The following BCAS3 variants were observed in gnomAD, a reference collection of about 807,000 sequenced individuals.
The protein encoded by BCAS3 is BCAS3 microtubule associated cell migration factor.
Under a neutral mutation model 116.1 loss-of-function variants are expected in BCAS3, and 53 were observed. That is an observed-to-expected ratio of 0.46 (90% CI 0.37 to 0.57). The LOEUF (loss-of-function observed/expected upper bound fraction) is 0.57. Ranked by LOEUF, BCAS3 falls within the 20% of genes least tolerant of loss-of-function variation. The probability of loss-of-function intolerance (pLI) is 0.00; values close to 1 mark genes in which losing one functional copy is unlikely to be tolerated. For synonymous variants in BCAS3, 391 were observed against 408.2 expected, an observed-to-expected ratio of 0.96 and a Z score of 0.51; for missense variants, 917 against 1,165.4, an observed-to-expected ratio of 0.79 and a Z score of 3.10.
chr17:60,772,845 C>T (rs1256721264), intron 6 of BCAS3, among the ~76,000 whole-genome samples: 1 of 152,072 alleles, frequency 6.6e-6, no homozygotes, highest in African/African-American at 2.4e-5. Flanking sequence ...TGCACTCCAG[C>T]CTGGGCAACA....
chr17:61,034,374 G>A lies in BCAS3; in HGVS notation c.1638-292G>A, dbSNP rs2066864706. Among the ~76,000 whole-genome samples, 1 of 152,132 alleles carries A rather than the reference G, an allele frequency of 6.6e-6. No individual in the cohort carries two copies. The highest frequency in any genetic ancestry group is 1.5e-5 in the Non-Finnish European group (1 of 68,010). The stretch of plus-strand genomic sequence containing the variant: ...TTCACTTTGAAATTTCTAGGGAAAT[G>A]TTACTCATCTGAAAAGAGGTGACTT... On this transcript the variant is annotated intron_variant, in intron 16 of 23. Coordinates refer to ENST00000407086, the MANE Select transcript of BCAS3 (RefSeq NM_017679.5). The surrounding 1 kb of genome is among the most constrained non-coding windows in gnomAD (Gnocchi z 5.0).
intron 22 of BCAS3, among the ~76,000 whole-genome samples, chr17:61,246,783 TTGAG>T (rs576532445): frequency 7.5e-6 from 1 of 132,904 alleles, no homozygotes; most frequent in African/African-American, 2.9e-5. Flanking sequence ...AGTTTTGCCT[TTGAG>T]TGAGAGTGTG....
chr17:61,132,776 C>T lies in BCAS3; in HGVS notation c.2425+48212C>T, dbSNP rs1264409662. On this transcript the variant is annotated intron_variant, in intron 22 of 23. Coordinates refer to ENST00000407086, the MANE Select transcript of BCAS3 (RefSeq NM_017679.5). The surrounding 1 kb of genome is among the most constrained non-coding windows in gnomAD (Gnocchi z 5.1). ...AGAAGTGGAAGATAGAGTCCACTCC[C>T]CTATCCCCGTCAATGAGAAGAAGCT... is the stretch of plus-strand genomic sequence containing the variant. 6.6e-6 allele frequency among the ~76,000 whole-genome samples: 1 copy of T among 152,118 alleles called. No homozygotes were observed. The highest frequency in any genetic ancestry group is 2.4e-5 in the African/African-American group (1 of 41,426).
intron 22 of BCAS3, among the ~76,000 whole-genome samples, chr17:61,283,314 C>G (rs553115171): frequency 1.1e-4 from 17 of 152,282 alleles, no homozygotes; most frequent in African/African-American, 3.4e-4. Flanking sequence ...CCACTCTATG[C>G]TAAGTACTTT....
chr17:61,204,027 C>T lies in BCAS3; in HGVS notation c.2425+119463C>T, dbSNP rs1434068040. 6.6e-6 allele frequency among the ~76,000 whole-genome samples: 1 copy of T among 152,188 alleles called. No homozygotes were observed. Among genetic ancestry groups the T allele is most frequent in the Admixed American group, 6.5e-5 (1 of 15,274 alleles). ...GTCCTCGGGTTGTTCAGCCTGGTGA[C>T]CCTAGCCGCCTGTGATTTACTAACT... On this transcript the variant is annotated intron_variant, in intron 22 of 23. Coordinates refer to ENST00000407086, the MANE Select transcript of BCAS3 (RefSeq NM_017679.5). The surrounding 1 kb of genome is among the most constrained non-coding windows in gnomAD (Gnocchi z 4.2).
At chr17:61,044,174 G>A (rs944961664) in intron 19 of BCAS3, among the ~76,000 whole-genome samples, 4 of 151,786 alleles carry the variant, frequency 2.6e-5, no homozygotes, top group South Asian at 2.1e-4. Context: ...AGGTGGGGGC[G>A]CGGTGGCTCA....
At chr17:61,194,079 T>C (rs1194449801) in intron 22 of BCAS3, among the ~76,000 whole-genome samples, 1 of 151,992 alleles carries the variant, frequency 6.6e-6, no homozygotes, top group Non-Finnish European at 1.5e-5. Flanking sequence ...ATCGTGCCAC[T>C]GCACTCCAGC....
intron 11 of BCAS3, among the ~76,000 whole-genome samples, chr17:60,903,111 G>A (rs544807826): frequency 1.3e-4 from 20 of 152,222 alleles, no homozygotes; most frequent in African/African-American, 3.9e-4. Context: ...ATGTGTGTGA[G>A]GGTTAATTTT....
At position 61,301,268 on chromosome 17, in the gene BCAS3, G is replaced by C. The variant is rs192973669; in HGVS notation, c.2426-67059G>C. Reference sequence around the variant, plus strand: ...ATGGCCCTCAGAGTCTAAAATATTTGCCATCTGGCCCCTTTCAGAAAACGT... The same window carrying C: ...ATGGCCCTCAGAGTCTAAAATATTTCCCATCTGGCCCCTTTCAGAAAACGT... On this transcript the variant is annotated intron_variant, in intron 22 of 23. Transcript: ENST00000407086. 6.7e-4 allele frequency among the ~76,000 whole-genome samples: 102 copies of C among 152,246 alleles called. 1 individual carries two copies. The highest frequency in any genetic ancestry group is 2.9e-5 in the Non-Finnish European group (2 of 68,024).
intron 7 of BCAS3, among the ~76,000 whole-genome samples, chr17:60,852,782 A>G (rs2053292920): frequency 6.6e-6 from 1 of 152,244 alleles, no homozygotes. Context: ...TAAAAGCTCT[A>G]ACATTGACAA....
At chr17:61,221,212 A>C (rs929225886) in intron 22 of BCAS3, among the ~76,000 whole-genome samples, 7 of 152,230 alleles carry the variant, frequency 4.6e-5, no homozygotes, top group Admixed American at 4.6e-4. Flanking sequence ...AGGGACATGG[A>C]AACAGTAGTT....
chr17:60,881,779 T>G (rs548152774), intron 9 of BCAS3, among the ~76,000 whole-genome samples: 2,524 of 150,914 alleles, frequency 0.017, 34 homozygotes, highest in South Asian at 0.045. Context: ...CTCATCATTT[T>G]TTATGGCTGC....
rs571029322 is a variant in BCAS3, at chr17:61,088,992, C to T, written c.2425+4428C>T. ...ATGTGACAGATAAGAAAAATGACTT[C>T]TTATCCTGAGCAGCCTTGGATCATA... On this transcript the variant is annotated intron_variant, in intron 22 of 23. Transcript: ENST00000407086. This position sits in a 1 kb window ranked among gnomAD's most constrained non-coding sequence, Gnocchi z 4.2. Among the ~76,000 whole-genome samples, 1 of 152,186 alleles carries T rather than the reference C, an allele frequency of 6.6e-6. No homozygotes were observed. The highest frequency in any genetic ancestry group is 1.9e-4 in the East Asian group (1 of 5,190).
At chr17:60,911,111 C>CTTTTTTTTTT (rs143770646) in intron 12 of BCAS3, among the ~76,000 whole-genome samples, 1 of 105,834 alleles carries the variant, frequency 9.4e-6, no homozygotes, top group African/African-American at 3.0e-5. Flanking sequence ...AAATTTTTTT[C>CTTTTTTTTTT]TTTTTTTCTT....
chr17:61,179,129 G>C (rs2079322430), intron 22 of BCAS3, among the ~76,000 whole-genome samples: 1 of 151,874 alleles, frequency 6.6e-6, no homozygotes, highest in African/African-American at 2.4e-5. Context: ...CTTACACCCA[G>C]GTAGATTAGT....
chr17:60,680,372 C>T (rs994283936), intron 2 of BCAS3, among the ~76,000 whole-genome samples: 5 of 152,030 alleles, frequency 3.3e-5, no homozygotes, highest in African/African-American at 1.2e-4. Flanking sequence ...ATTATTTCAT[C>T]ACCCAGGTAT....
chr17:60,956,999 GT>G lies in BCAS3; in HGVS notation c.1221+9649del, dbSNP rs2061167539. On this transcript the variant is annotated intron_variant, in intron 14 of 23. Transcript: ENST00000407086. This position sits in a 1 kb window ranked among gnomAD's most constrained non-coding sequence, Gnocchi z 4.2. ...TGTGTATCTAATTATACTGAATTAA[GT>G]TGTTTTGTGGTCTATGACTTGGGAT... 6.6e-6 allele frequency among the ~76,000 whole-genome samples: 1 copy of G among 152,148 alleles called. No individual in the cohort carries two copies. The highest frequency in any genetic ancestry group is 1.5e-5 in the Non-Finnish European group (1 of 68,004).
At chr17:60,762,375 T>C (rs1000716665) in intron 6 of BCAS3, among the ~76,000 whole-genome samples, 2 of 152,230 alleles carry the variant, frequency 1.3e-5, no homozygotes, top group African/African-American at 4.8e-5. Flanking sequence ...TTAATTTTTG[T>C]GTAAAGTGTA....
chr17:61,322,657 C>T (rs1163435582), intron 22 of BCAS3, among the ~76,000 whole-genome samples: 1 of 152,064 alleles, frequency 6.6e-6, no homozygotes, highest in Non-Finnish European at 1.5e-5. Flanking sequence ...TGAGGTTTTT[C>T]CAGCCTCTTG....
Sources: allele counts gnomAD v4.1 joint callset (sites outside exome capture counted in the v4.1 genomes callset), GRCh38; gene constraint gnomAD v4.1.1; non-coding constraint Gnocchi (gnomAD v3.1); transcripts MANE v1.5; gene names NCBI Gene and HGNC (gene_info 2026-07-23, HGNC 2026-07-21).